The following DGKI variants were observed in gnomAD, a reference collection of about 807,000 sequenced individuals.
DGKI encodes DAG kinase iota.
DGKI carries 55 observed loss-of-function variants against 147.5 expected under a neutral mutation model. The ratio of observed to expected loss-of-function variants is 0.37; its 90% CI spans 0.30 to 0.47. DGKI has a LOEUF of 0.47. Among genes scored for constraint, DGKI ranks in the 20% least tolerant of loss-of-function variants. DGKI has a pLI of 1.00. For synonymous variants in DGKI, 469 were observed against 477.1 expected, an observed-to-expected ratio of 0.98 and a Z score of 0.22; for missense variants, 1,007 against 1,323.8, an observed-to-expected ratio of 0.76 and a Z score of 3.71.
intron 1 of DGKI, among the ~76,000 whole-genome samples, chr7:137,838,538 C>T (rs944233167): frequency 1.3e-5 from 2 of 152,122 alleles, no homozygotes; most frequent in African/African-American, 4.8e-5. Flanking sequence ...TCCTTACAAG[C>T]CTGACATCTT....
intron 1 of DGKI, among the ~76,000 whole-genome samples, chr7:137,763,489 C>A (rs1196238307): frequency 2.0e-5 from 3 of 152,214 alleles, no homozygotes; most frequent in Non-Finnish European, 4.4e-5. Context: ...TCACTCATCT[C>A]CTGTCCAACG....
At chr7:137,652,138 T>TA (rs1348182284) in intron 5 of DGKI, among the ~76,000 whole-genome samples, 39 of 152,176 alleles carry the variant, frequency 2.6e-4, no homozygotes, top group African/African-American at 8.7e-4. Flanking sequence ...TTTTTAAAGA[T>TA]AGAAATTATT....
intron 1 of DGKI, among the ~76,000 whole-genome samples, chr7:137,724,026 A>G (rs1274905138): frequency 6.6e-6 from 1 of 151,934 alleles, no homozygotes; most frequent in East Asian, 1.9e-4. Context: ...CCTTTTGATA[A>G]GGTATCATGA....
Position 137,755,016 on chromosome 7 carries a change from T to C in DGKI, c.402-65014A>G, listed in dbSNP as rs575919296. On this transcript the variant is annotated intron_variant, in intron 1 of 32. Transcript: ENST00000614521. ...CTTTTTCTCTGTATGTTTTAGGAAC[T>C]TTATTCTTTATTTTGCTCTCAGGGG... Among the ~76,000 whole-genome samples, 10 of 152,380 alleles carry C rather than the reference T, an allele frequency of 6.6e-5. No homozygotes were observed. The South Asian group carries it at 2.1e-3, about 32-fold the overall frequency.
intron 1 of DGKI, among the ~76,000 whole-genome samples, chr7:137,760,156 C>A (rs1027836363): frequency 6.6e-6 from 1 of 152,094 alleles, no homozygotes. Flanking sequence ...ATCTTTCCTG[C>A]GGGCCCTCTC....
intron 23 of DGKI, among the ~76,000 whole-genome samples, chr7:137,472,392 T>TAATAATTATATGTATATATACA (rs61018353): frequency 1.6e-4 from 2 of 12,842 alleles, no homozygotes; most frequent in Non-Finnish European, 5.7e-4. Flanking sequence ...TATATACATA[T>TAATAATTATATGTATATATACA]TATAATTATT....
chr7:137,668,730 A>G (rs1822733704), intron 3 of DGKI, among the ~76,000 whole-genome samples: 1 of 152,180 alleles, frequency 6.6e-6, no homozygotes, highest in African/African-American at 2.4e-5. Context: ...GGTTGACAGA[A>G]TGGTGAAGGA....
intron 28 of DGKI, among the ~76,000 whole-genome samples, chr7:137,442,972 C>T (rs1563021874): frequency 6.6e-6 from 1 of 152,042 alleles, no homozygotes; most frequent in Admixed American, 6.6e-5. Flanking sequence ...TGCATAGAAA[C>T]CATCTATATG....
intron 1 of DGKI, among the ~76,000 whole-genome samples, chr7:137,797,864 A>G (rs769199261): frequency 4.6e-5 from 7 of 152,046 alleles, no homozygotes; most frequent in Admixed American, 1.3e-4. Context: ...TAAAACTTAG[A>G]GCCTAAATAA....
At chr7:137,605,133 C>A (rs1820130859) in intron 10 of DGKI, among the ~76,000 whole-genome samples, 1 of 151,956 alleles carries the variant, frequency 6.6e-6, no homozygotes, top group Non-Finnish European at 1.5e-5. Flanking sequence ...CATAGTGAAA[C>A]CCCGTCTCTA....
intron 1 of DGKI, among the ~76,000 whole-genome samples, chr7:137,823,894 A>C (rs1444691252): frequency 6.6e-6 from 1 of 152,208 alleles, no homozygotes; most frequent in Non-Finnish European, 1.5e-5. Context: ...TTAAAATAAG[A>C]CCAATAATAC....
chr7:137,638,615 C>CATATATGTATATGTGTGTATATAT (rs1383387447), intron 6 of DGKI, among the ~76,000 whole-genome samples: 1 of 8,232 alleles, frequency 1.2e-4, no homozygotes, highest in African/African-American at 2.9e-4. Flanking sequence ...TATATATACA[C>CATATATGTATATGTGTGTATATAT]ACACACATAT....
In DGKI at chr7:137,637,999, C is replaced by T. The variant is rs1043250264; in HGVS notation, c.804+7473G>A. On this transcript the variant is annotated intron_variant, in intron 6 of 32. Coordinates refer to ENST00000614521, the MANE Select transcript of DGKI (RefSeq NM_001321708.2). ...AAGGCAATTTGGAAAGGGAGGTCAG[C>T]GCAAAGAATCACAAAAGTGTTCTCA... is the stretch of plus-strand genomic sequence containing the variant. 3.3e-5 allele frequency among the ~76,000 whole-genome samples: 5 copies of T among 152,022 alleles called. No individual in the cohort carries two copies. In the East Asian group the frequency reaches 5.8e-4, roughly 18 times the overall value.
intron 28 of DGKI, among the ~76,000 whole-genome samples, chr7:137,438,114 T>C (rs1204696945): frequency 2.0e-5 from 3 of 152,108 alleles, no homozygotes; most frequent in Non-Finnish European, 4.4e-5. Context: ...ATTCATCAGA[T>C]GACATCAAAA....
chr7:137,661,799 G>A (rs539131881), intron 3 of DGKI, among the ~76,000 whole-genome samples: 47 of 152,276 alleles, frequency 3.1e-4, no homozygotes, highest in African/African-American at 1.1e-3. Context: ...AGGCAGGACT[G>A]TCCTCTCCTC....
At chr7:137,775,313 A>C (rs1027472569) in intron 1 of DGKI, among the ~76,000 whole-genome samples, 2 of 152,202 alleles carry the variant, frequency 1.3e-5, no homozygotes, top group African/African-American at 4.8e-5. Context: ...TTTTATCAAA[A>C]TTCGATAGGC....
chr7:137,744,706 A>G (rs568251161), intron 1 of DGKI, among the ~76,000 whole-genome samples: 2 of 152,294 alleles, frequency 1.3e-5, no homozygotes, highest in African/African-American at 4.8e-5. Flanking sequence ...TGATAAAGTC[A>G]GCTTTAATCC....
chr7:137,471,004 T>A (rs908763653), intron 23 of DGKI, among the ~76,000 whole-genome samples: 3 of 152,358 alleles, frequency 2.0e-5, no homozygotes, highest in African/African-American at 7.2e-5. Flanking sequence ...AAGAGAGAAC[T>A]GGCAGATTGA....
intron 1 of DGKI, among the ~76,000 whole-genome samples, chr7:137,729,979 AC>A (rs1360240977): frequency 1.3e-5 from 2 of 151,984 alleles, no homozygotes; most frequent in Non-Finnish European, 2.9e-5. Flanking sequence ...GAGTGTTGTG[AC>A]TGACAATCAG....
Sources: allele counts gnomAD v4.1 joint callset (sites outside exome capture counted in the v4.1 genomes callset), GRCh38; gene constraint gnomAD v4.1.1; transcripts MANE v1.5; gene names NCBI Gene and HGNC (gene_info 2026-07-23, HGNC 2026-07-21).